The following CLYBL variants were observed in gnomAD, a reference collection of about 807,000 sequenced individuals.
CLYBL encodes citramalyl-CoA lyase.
A neutral mutation model predicts 38.9 loss-of-function variants in CLYBL; 31 were observed. The observed-to-expected ratio is 0.80, with a 90% CI of 0.60 to 1.08. The LOEUF is 1.08. CLYBL is among the 50% of genes least tolerant of loss of function. The probability of loss-of-function intolerance (pLI) is 0.00; values close to 1 mark genes in which losing one functional copy is unlikely to be tolerated. For missense variants in CLYBL, 434 were observed against 411.6 expected (o/e 1.05, Z -0.47); for synonymous variants, 171 against 158.6 (o/e 1.08, Z -0.59).
Position 99,606,728 on chromosome 13 carries a change from C to A in CLYBL, c.33C>A (p.Arg11=), listed in dbSNP as rs1366268823. 3 of 1,487,730 alleles carry A rather than the reference C, an allele frequency of 2.0e-6. No homozygotes were observed. Among genetic ancestry groups the A allele is most frequent in the Non-Finnish European group, 1.8e-6 (2 of 1,124,980 alleles). The allele number at this position is 1,487,730 out of a possible 1,614,324, so 92.2% of individuals were successfully genotyped here. A position where few individuals can be genotyped will look rare whatever the true frequency, so the allele number is the denominator to read the frequency against. MALRLLRRAA[R]GAAAAALLRL... ...TACGTCTGCTGCGGAGGGCGGCGCGCGGAGCTGCGGCGGCGGCGCTGCTGA... is the reference window on the plus strand; with the variant it reads ...TACGTCTGCTGCGGAGGGCGGCGCGAGGAGCTGCGGCGGCGGCGCTGCTGA... Residue 11 remains arginine (R), a synonymous_variant, in exon 1 of 9, where the codon CGC becomes CGA. Coordinates refer to ENST00000339105, the MANE Select transcript of CLYBL (RefSeq NM_206808.5).
In CLYBL at chr13:99,845,454, C is replaced by T. The variant is rs190377595; in HGVS notation, c.250-13407C>T. On this transcript the variant is annotated intron_variant, in intron 2 of 8. Transcript: ENST00000339105. Reference sequence around the variant, plus strand: ...AGAAAACCCAAGTGGTTGTGCAGTGCGCCTGCCTGGCACCAGTGAAGGAAT... The same window carrying T: ...AGAAAACCCAAGTGGTTGTGCAGTGTGCCTGCCTGGCACCAGTGAAGGAAT... Among the ~76,000 whole-genome samples, 13 of 152,254 alleles carry T rather than the reference C, an allele frequency of 8.5e-5. No homozygotes were observed. The South Asian group carries it at 1.5e-3, about 17-fold the overall frequency.
intron 9 of CLYBL, among the ~76,000 whole-genome samples, chr13:99,906,487 G>A (rs1279167095): frequency 7.3e-5 from 11 of 151,288 alleles, no homozygotes; most frequent in African/African-American, 1.2e-4. Flanking sequence ...CCAGTGGCGC[G>A]ATCTCGGCTC....
intron 7 of CLYBL, among the ~76,000 whole-genome samples, chr13:99,880,568 TAAGGG>T (rs2052179083): frequency 6.6e-6 from 1 of 152,216 alleles, no homozygotes. Flanking sequence ...AAGCTGCTTC[TAAGGG>T]AAACCCCCAG....
rs184158823 is a variant in CLYBL at position 99,742,960 on chromosome 13, A to T, written c.63-29864A>T. On this transcript the variant is annotated intron_variant, in intron 1 of 8. Coordinates refer to ENST00000339105, the MANE Select transcript of CLYBL (RefSeq NM_206808.5). Reference sequence around the variant, plus strand: ...TTTTTTTCCACTTCACACTTTTGCTAGCCCTCTTCTTTTCTTCTGCTTTAC... The same window carrying T: ...TTTTTTTCCACTTCACACTTTTGCTTGCCCTCTTCTTTTCTTCTGCTTTAC... Among the ~76,000 whole-genome samples, 17 of 151,974 alleles carry T rather than the reference A, an allele frequency of 1.1e-4. No individual in the cohort carries two copies. In the East Asian group the frequency reaches 3.3e-3, roughly 29 times the overall value.
At chr13:99,681,020 G>T (rs1046817447) in intron 1 of CLYBL, among the ~76,000 whole-genome samples, 5 of 152,136 alleles carry the variant, frequency 3.3e-5, no homozygotes, top group Non-Finnish European at 7.3e-5. Context: ...GATTATTTTG[G>T]ACCAGCGCCA....
chr13:99,609,369 G>T (rs1263125241), intron 1 of CLYBL, among the ~76,000 whole-genome samples: 2 of 151,802 alleles, frequency 1.3e-5, no homozygotes, highest in South Asian at 2.1e-4. Flanking sequence ...TAGAGACGGG[G>T]TTTCACCATG....
At chr13:99,809,992 A>G (rs1566336113) in intron 2 of CLYBL, among the ~76,000 whole-genome samples, 1 of 152,252 alleles carries the variant, frequency 6.6e-6, no homozygotes, top group Non-Finnish European at 1.5e-5. Context: ...TTTGCTGGCA[A>G]GTGGAAATGT....
At chr13:99,754,416 CAAAAAA>C (rs1172376194) in intron 1 of CLYBL, among the ~76,000 whole-genome samples, 3,528 of 71,856 alleles carry the variant, frequency 0.049, 150 homozygotes, top group African/African-American at 0.15. Context: ...GACCCTGTCT[CAAAAAA>C]AAAAAAAAAA....
At chr13:99,706,046 C>T (rs1306107466) in intron 1 of CLYBL, among the ~76,000 whole-genome samples, 1 of 152,028 alleles carries the variant, frequency 6.6e-6, no homozygotes, top group South Asian at 2.1e-4. Flanking sequence ...ATTCTCCTGC[C>T]TCAGCCTTCC....
intron 2 of CLYBL, among the ~76,000 whole-genome samples, chr13:99,798,398 G>A (rs1178166975): frequency 2.0e-5 from 3 of 152,148 alleles, no homozygotes; most frequent in African/African-American, 7.2e-5. Flanking sequence ...TTCCCCCTTT[G>A]TAAAGTGAAA....
chr13:99,676,343 CTT>C (rs758003381), intron 1 of CLYBL, among the ~76,000 whole-genome samples: 22 of 152,096 alleles, frequency 1.4e-4, no homozygotes, highest in Admixed American at 4.6e-4. Flanking sequence ...GAGTTTCACT[CTT>C]GTCACCCAGG....
intron 2 of CLYBL, among the ~76,000 whole-genome samples, chr13:99,795,445 G>A (rs563189372): frequency 1.8e-4 from 28 of 152,210 alleles, no homozygotes; most frequent in South Asian, 2.1e-4. Context: ...CTTGAGGCCA[G>A]GAGTTCAAGA....
chr13:99,713,420 A>C (rs1594134017), intron 1 of CLYBL, among the ~76,000 whole-genome samples: 1 of 137,420 alleles, frequency 7.3e-6, no homozygotes, highest in African/African-American at 2.8e-5. Context: ...GCTCACTGCA[A>C]CCTCCGCCTC....
chr13:99,680,102 T>C (rs997024045), intron 1 of CLYBL, among the ~76,000 whole-genome samples: 2 of 152,230 alleles, frequency 1.3e-5, no homozygotes, highest in African/African-American at 2.4e-5. Context: ...GAAGTGTCAG[T>C]TTAAAGTTGG....
At chr13:99,780,748 A>G (rs909097677) in intron 2 of CLYBL, among the ~76,000 whole-genome samples, 4 of 117,178 alleles carry the variant, frequency 3.4e-5, no homozygotes, top group African/African-American at 1.0e-4. Flanking sequence ...TAGTCTCACT[A>G]TGTTGCACAG....
At chr13:99,875,905 C>G (rs1295398968) in intron 7 of CLYBL, among the ~76,000 whole-genome samples, 1 of 152,046 alleles carries the variant, frequency 6.6e-6, no homozygotes, top group African/African-American at 2.4e-5. Flanking sequence ...TCAGAAAGAT[C>G]GGCCATAATT....
At chr13:99,682,466 A>T (rs1446653506) in intron 1 of CLYBL, among the ~76,000 whole-genome samples, 3 of 152,002 alleles carry the variant, frequency 2.0e-5, no homozygotes, top group African/African-American at 7.2e-5. Context: ...CTATATCTAA[A>T]CATATATGAA....
chr13:99,679,145 T>C (rs1472584478), intron 1 of CLYBL, among the ~76,000 whole-genome samples: 1 of 151,732 alleles, frequency 6.6e-6, no homozygotes, highest in Non-Finnish European at 1.5e-5. Flanking sequence ...ATACAAAAAA[T>C]TAGCCGGGTG....
chr13:99,747,316 C>G (rs2048870634), intron 1 of CLYBL, among the ~76,000 whole-genome samples: 1 of 151,198 alleles, frequency 6.6e-6, no homozygotes, highest in African/African-American at 2.4e-5. Context: ...AGCTGCCCCC[C>G]TTCTCCTTTT....
Sources: gnomAD v4.1 joint callset for allele counts (sites outside exome capture counted in the v4.1 genomes callset) on GRCh38, gnomAD v4.1.1 for gene constraint, MANE v1.5 for transcripts, NCBI Gene and HGNC (gene_info 2026-07-23, HGNC 2026-07-21) for gene names.